Variants in PDZD2 observed in about 807,000 individuals in gnomAD.
PDZD2 encodes the protein PDZ domain containing 2.
In PDZD2, 90 loss-of-function variants were observed where a neutral mutation model predicts 220.7. The observed-to-expected ratio is 0.41, with a 90% CI of 0.34 to 0.49. The LOEUF (loss-of-function observed/expected upper bound fraction) is 0.49, where lower values mean the gene tolerates loss of function less well. Ranked by LOEUF, PDZD2 falls within the 20% of genes least tolerant of loss-of-function variation. The probability of loss-of-function intolerance (pLI) is 0.28; values close to 1 mark genes in which losing one functional copy is unlikely to be tolerated. For synonymous variants in PDZD2, 1,375 were observed against 1,450.5 expected (o/e 0.95, Z 1.18); for missense variants, 3,174 against 3,608.5 (o/e 0.88, Z 3.08).
intron 2 of PDZD2, among the ~76,000 whole-genome samples, chr5:31,908,007 C>T (rs1166847415): frequency 2.8e-5 from 4 of 144,682 alleles, no homozygotes; most frequent in African/African-American, 8.1e-5. Context: ...TGCTTGAACC[C>T]GGGAGGCGGA....
At chr5:31,927,343 A>G (rs1313632502) in intron 2 of PDZD2, among the ~76,000 whole-genome samples, 3 of 151,750 alleles carry the variant, frequency 2.0e-5, no homozygotes, top group Non-Finnish European at 4.4e-5. Context: ...ATTGTTTGGT[A>G]GTCATAAAAA....
At chr5:31,640,971 G>A (rs1744927484) in intron 1 of PDZD2, among the ~76,000 whole-genome samples, 1 of 152,098 alleles carries the variant, frequency 6.6e-6, no homozygotes, top group Admixed American at 6.6e-5. Flanking sequence ...TATGCTCCTG[G>A]AAAAATATTG....
At chr5:31,933,085 A>G (rs1006170283) in intron 2 of PDZD2, among the ~76,000 whole-genome samples, 1 of 151,752 alleles carries the variant, frequency 6.6e-6, no homozygotes, top group South Asian at 2.1e-4. Flanking sequence ...CAATTTTTGT[A>G]TTTTTAGTAG....
intron 2 of PDZD2, among the ~76,000 whole-genome samples, chr5:31,964,949 C>T (rs770554083): frequency 1.3e-5 from 2 of 152,134 alleles, no homozygotes; most frequent in African/African-American, 4.8e-5. Flanking sequence ...GTCTCGATCT[C>T]CTGACCTCGT....
chr5:31,901,427 AAAAG>A (rs975590007), intron 2 of PDZD2, among the ~76,000 whole-genome samples: 19 of 151,870 alleles, frequency 1.3e-4, no homozygotes, highest in African/African-American at 4.1e-4. Flanking sequence ...AAAAAAAAAA[AAAAG>A]AAGAAGAAAG....
rs117497145 is a variant in PDZD2, at chr5:31,966,124, A to G, written c.477-17031A>G. ...AGAGGCAGAGTTGAATCCCAGCTCT[A>G]CTGTTTTCAGCTTTCTGACCTTGGG... On this transcript the variant is annotated intron_variant, in intron 2 of 24. Transcript: ENST00000438447. 4.4e-4 allele frequency among the ~76,000 whole-genome samples: 67 copies of G among 152,254 alleles called. No individual in the cohort carries two copies. In the East Asian group the frequency reaches 0.013, roughly 29 times the overall value.
At chr5:32,099,999 A>C (rs1160273794) in intron 23 of PDZD2, 1 of 152,314 alleles carries the variant, frequency 6.6e-6, no homozygotes, top group East Asian at 1.9e-4. Flanking sequence ...GGACGCTTTT[A>C]AATTCCTGAT....
At chr5:32,037,456 C>A (rs1755648787) in intron 7 of PDZD2, 114 bp downstream of exon 7, 1 of 651,630 alleles carries the variant, frequency 1.5e-6, no homozygotes, top group Non-Finnish European at 2.7e-6. Context: ...ACCTCAAAAT[C>A]ATTTTTACCT....
chr5:31,890,527 G>A (rs77181013), intron 2 of PDZD2, among the ~76,000 whole-genome samples: 4,095 of 152,166 alleles, frequency 0.027, 145 homozygotes, highest in East Asian at 0.074. Flanking sequence ...AAAAACAGCC[G>A]AGCCGGGCCT....
chr5:31,956,560 T>A lies in PDZD2; in HGVS notation c.477-26595T>A, dbSNP rs1028229089. On this transcript the variant is annotated intron_variant, in intron 2 of 24. Coordinates refer to ENST00000438447, the MANE Select transcript of PDZD2 (RefSeq NM_178140.4). ...AGACTCTGTCTCAAAAAAAAAAAAA[T>A]AAATAAAATAAATAAATAAATATAA... Among the ~76,000 whole-genome samples the A allele has an allele frequency of 5.3e-3, 589 of 111,180 alleles. 5 individuals are homozygous for A. Among genetic ancestry groups the A allele is most frequent in the Admixed American group, 0.029 (312 of 10,882 alleles). The allele number at this position is 111,180 out of a possible 152,430, so 72.9% of individuals were successfully genotyped here.
rs142374145 is a variant in PDZD2 at position 31,974,137 on chromosome 5, C to T, written c.477-9018C>T. On this transcript the variant is annotated intron_variant, in intron 2 of 24. Coordinates refer to ENST00000438447, the MANE Select transcript of PDZD2 (RefSeq NM_178140.4). Reference sequence around the variant, plus strand: ...CTGGGATTACAGGCACCCGCTACCACGCCCAGCTAATTTTTGTATTTTTAG... The same window carrying T: ...CTGGGATTACAGGCACCCGCTACCATGCCCAGCTAATTTTTGTATTTTTAG... 5.5e-3 allele frequency among the ~76,000 whole-genome samples: 841 copies of T among 152,232 alleles called. 8 individuals are homozygous for T. Among genetic ancestry groups the T allele is most frequent in the African/African-American group, 0.019 (796 of 41,552 alleles).
intron 1 of PDZD2, among the ~76,000 whole-genome samples, chr5:31,790,691 ATTTTTTTTTTT>A (rs869296191): frequency 2.6e-5 from 2 of 75,498 alleles, no homozygotes; most frequent in African/African-American, 8.7e-5. Flanking sequence ...TATCTCTCTA[ATTTTTTTTTTT>A]TTTTTTTTTT....
intron 2 of PDZD2, among the ~76,000 whole-genome samples, chr5:31,876,427 G>A (rs1328926325): frequency 6.6e-6 from 1 of 151,860 alleles, no homozygotes; most frequent in African/African-American, 2.4e-5. Flanking sequence ...CAAGTACCTG[G>A]TGTTATAGGT....
At chr5:31,705,380 G>GA (rs1477765035) in intron 1 of PDZD2, among the ~76,000 whole-genome samples, 1 of 152,142 alleles carries the variant, frequency 6.6e-6, no homozygotes, top group Non-Finnish European at 1.5e-5. Flanking sequence ...AAAACGAAGA[G>GA]AAAATCCTTG....
chr5:31,901,202 A>C (rs1370583383), intron 2 of PDZD2, among the ~76,000 whole-genome samples: 1 of 152,086 alleles, frequency 6.6e-6, no homozygotes, highest in Non-Finnish European at 1.5e-5. Flanking sequence ...CAGTTCACTT[A>C]AGGTCAGGAG....
At chr5:32,022,981 A>AGAG (rs1289051451) in intron 6 of PDZD2, among the ~76,000 whole-genome samples, 1 of 152,090 alleles carries the variant, frequency 6.6e-6, no homozygotes, top group Non-Finnish European at 1.5e-5. Flanking sequence ...AGTCCCATTG[A>AGAG]GAGGTAACCA....
intron 20 of PDZD2, among the ~76,000 whole-genome samples, chr5:32,091,762 T>C (rs788368): frequency 0.73 from 111,393 of 152,132 alleles, 42,206 homozygotes; most frequent in African/African-American, 0.94. Flanking sequence ...TCCATTTTAG[T>C]GCCCTTGGTT....
chr5:32,051,388 TG>T (rs1721292290), intron 8 of PDZD2, among the ~76,000 whole-genome samples: 1 of 152,204 alleles, frequency 6.6e-6, no homozygotes, highest in African/African-American at 2.4e-5. Flanking sequence ...TGTTCTAAGC[TG>T]CCAAAAATAC....
chr5:31,995,179 C>T (rs1046965127), intron 3 of PDZD2, among the ~76,000 whole-genome samples: 1 of 152,182 alleles, frequency 6.6e-6, no homozygotes, highest in Non-Finnish European at 1.5e-5. Flanking sequence ...TAACAGGACC[C>T]TGTTCAGGAA....
Sources: gnomAD v4.1 joint callset for allele counts (sites outside exome capture counted in the v4.1 genomes callset) on GRCh38, gnomAD v4.1.1 for gene constraint, MANE v1.5 for transcripts, NCBI Gene and HGNC (gene_info 2026-07-23, HGNC 2026-07-21) for gene names.